SLC22A3: variants seen among roughly 807,000 people sequenced by gnomAD.
SLC22A3 encodes the protein EMT organic cation transporter 3.
A neutral mutation model predicts 59.1 loss-of-function variants in SLC22A3; 51 were observed. That is an observed-to-expected ratio of 0.86 (90% CI 0.69 to 1.09). SLC22A3 has a LOEUF of 1.09. Ranked by LOEUF, SLC22A3 falls within the 50% of genes least tolerant of loss-of-function variation. The probability of loss-of-function intolerance (pLI) is 0.00; values close to 1 mark genes in which losing one functional copy is unlikely to be tolerated. For synonymous variants in SLC22A3, 325 were observed against 292.0 expected, an observed-to-expected ratio of 1.11 and a Z score of -1.15; for missense variants, 711 against 726.3, an observed-to-expected ratio of 0.98 and a Z score of 0.24.
chr6:160,432,629 T>C (rs924770239), intron 5 of SLC22A3, among the ~76,000 whole-genome samples: 5 of 152,280 alleles, frequency 3.3e-5, no homozygotes, highest in Admixed American at 2.0e-4. Context: ...GGTTTCACCA[T>C]GTTGGCCAGG....
chr6:160,361,678 T>G (rs1239575997), intron 1 of SLC22A3, among the ~76,000 whole-genome samples: 1 of 152,182 alleles, frequency 6.6e-6, no homozygotes, highest in Non-Finnish European at 1.5e-5. Context: ...AGATAATTTG[T>G]CCAGAATCTG....
intron 2 of SLC22A3, among the ~76,000 whole-genome samples, chr6:160,404,990 G>C (rs1383406876): frequency 1.3e-5 from 2 of 150,988 alleles, no homozygotes; most frequent in Non-Finnish European, 2.9e-5. Flanking sequence ...AAAAAATCTA[G>C]ATGACCTTTT....
chr6:160,351,743 A>G (rs1457144284), intron 1 of SLC22A3, among the ~76,000 whole-genome samples: 1 of 152,176 alleles, frequency 6.6e-6, no homozygotes, highest in East Asian at 1.9e-4. Flanking sequence ...AGACTCCAGA[A>G]TGCCTCCATA....
chr6:160,352,837 T>G (rs975823226), intron 1 of SLC22A3, among the ~76,000 whole-genome samples: 3 of 152,210 alleles, frequency 2.0e-5, no homozygotes, highest in African/African-American at 7.2e-5. Flanking sequence ...TTTGTTTTGT[T>G]TTTTGACAAA....
At chr6:160,362,799 G>GC (rs1046490781) in intron 1 of SLC22A3, among the ~76,000 whole-genome samples, 5 of 152,192 alleles carry the variant, frequency 3.3e-5, no homozygotes, top group Non-Finnish European at 7.4e-5. Context: ...GCGTTAGGCT[G>GC]CCCCCGGGAG....
intron 7 of SLC22A3, among the ~76,000 whole-genome samples, chr6:160,437,653 G>A (rs991709326): frequency 1.3e-5 from 2 of 152,150 alleles, no homozygotes; most frequent in African/African-American, 4.8e-5. Flanking sequence ...ATATTGTCAC[G>A]ATTCTTATTG....
At chr6:160,435,285 G>A (rs1442524135) in intron 5 of SLC22A3, among the ~76,000 whole-genome samples, 2 of 152,174 alleles carry the variant, frequency 1.3e-5, no homozygotes, top group African/African-American at 4.8e-5. Flanking sequence ...AGACACTATT[G>A]ATTTTAAGAC....
intron 1 of SLC22A3, among the ~76,000 whole-genome samples, chr6:160,382,225 G>T (rs2114797305): frequency 6.6e-6 from 1 of 152,270 alleles, no homozygotes; most frequent in East Asian, 1.9e-4. Flanking sequence ...CTGAGGCCCT[G>T]CTGGCTAAAG....
chr6:160,387,294 T>C (rs1018251705), intron 1 of SLC22A3, among the ~76,000 whole-genome samples: 1 of 152,038 alleles, frequency 6.6e-6, no homozygotes, highest in Admixed American at 6.5e-5. Flanking sequence ...GGGAGGAGCA[T>C]TGGACAGAGG....
intron 1 of SLC22A3, among the ~76,000 whole-genome samples, chr6:160,377,415 G>A (rs1785636092): frequency 6.6e-6 from 1 of 151,950 alleles, no homozygotes; most frequent in Admixed American, 6.6e-5. Context: ...AACCCAGAAG[G>A]TGGAGGTTGC....
At position 160,442,854 on chromosome 6, in the gene SLC22A3, A is replaced by G. The variant is rs1788600824; in HGVS notation, c.1382A>G (p.Tyr461Cys). 1.2e-6 allele frequency: 2 copies of G among 1,611,548 alleles called. No homozygotes were observed. Among genetic ancestry groups the G allele is most frequent in the Non-Finnish European group, 1.7e-6 (2 of 1,177,732 alleles). Residue 461 changes from tyrosine (Y) to cysteine (C), a missense_variant, in exon 8 of 11, where the codon TAC becomes TGC. By Grantham distance (194) the Tyr-to-Cys change is radical. Transcript: ENST00000275300. The stretch of plus-strand genomic sequence containing the variant: ...GTTTATTTGGTAAATTCAGAATTGT[A>G]CCCAACAACATTACGGTAATTCTAA... ...EIVYLVNSEL[Y>C]PTTLRNFGVS...
intron 1 of SLC22A3, among the ~76,000 whole-genome samples, chr6:160,371,654 C>T (rs574302961): frequency 1.7e-4 from 26 of 152,246 alleles, no homozygotes; most frequent in South Asian, 4.2e-4. Flanking sequence ...ACATGTGCAG[C>T]GTGTTTCTAG....
chr6:160,349,510 C>A (rs1370418907), intron 1 of SLC22A3, among the ~76,000 whole-genome samples: 1 of 151,872 alleles, frequency 6.6e-6, no homozygotes, highest in Non-Finnish European at 1.5e-5. Flanking sequence ...ATTTTAGGAA[C>A]ATAGCGGGAG....
Position 160,397,967 on chromosome 6 carries a change from T to A in SLC22A3, c.430-12T>A. ...TGGCATGTCTCCATGTGTGTTTTCT[T>A]TGTTTTCTCAGTTTGACCTTGTCTG... is the stretch of plus-strand genomic sequence containing the variant. On this transcript the variant is annotated splice_polypyrimidine_tract_variant and intron_variant, in intron 1 of 10. Transcript: ENST00000275300. 1 of 1,606,910 alleles carries A rather than the reference T, an allele frequency of 6.2e-7. No homozygotes were observed. The highest frequency in any genetic ancestry group is 8.5e-7 in the Non-Finnish European group (1 of 1,173,748).
At chr6:160,433,304 C>T (rs1583509095) in intron 5 of SLC22A3, among the ~76,000 whole-genome samples, 1 of 152,290 alleles carries the variant, frequency 6.6e-6, no homozygotes, top group East Asian at 1.9e-4. Context: ...ACAGAGCTAA[C>T]ATGAAAGCAA....
chr6:160,392,072 A>C (rs923391722), intron 1 of SLC22A3, among the ~76,000 whole-genome samples: 2 of 152,128 alleles, frequency 1.3e-5, no homozygotes, highest in Non-Finnish European at 2.9e-5. Context: ...CTGGGCAATC[A>C]TTGCAGATCC....
rs1788966895 is a variant in SLC22A3, at chr6:160,451,583, G to A, written c.*527G>A. The A allele has an allele frequency of 6.1e-6, 1 of 163,842 alleles. No individual in the cohort carries two copies. The highest frequency in any genetic ancestry group is 1.3e-5 in the Non-Finnish European group (1 of 74,528). 10.1% of individuals were successfully genotyped at this position (163,842 alleles called of 1,614,324 possible). A position where few individuals can be genotyped will look rare whatever the true frequency, so the allele number is the denominator to read the frequency against. ...GAATCACAGGCACCTGGGCCAAAGG[G>A]TGTGAGCATTCATGTTCTCTGCTCA... is the stretch of plus-strand genomic sequence containing the variant. On this transcript the variant is annotated 3_prime_UTR_variant, in exon 11 of 11. Transcript: ENST00000275300.
Position 160,407,023 on chromosome 6 carries a change from C to T in SLC22A3, c.534-18C>T, listed in dbSNP as rs756712736. On this transcript the variant is annotated intron_variant, in intron 2 of 10. Transcript: ENST00000275300. The stretch of plus-strand genomic sequence containing the variant: ...GAAAATGTTTAAGGTGAGCTCTTTT[C>T]CTGTCTTTCTCAAAAAGGTATGGCA... 1.9e-6 allele frequency: 3 copies of T among 1,612,394 alleles called. No individual in the cohort carries two copies. Among genetic ancestry groups the T allele is most frequent in the Non-Finnish European group, 2.5e-6 (3 of 1,179,214 alleles).
intron 1 of SLC22A3, among the ~76,000 whole-genome samples, chr6:160,386,744 G>T (rs1486890275): frequency 2.0e-5 from 3 of 152,246 alleles, no homozygotes; most frequent in Non-Finnish European, 4.4e-5. Context: ...GAAGGGCAGA[G>T]GTCGGCAGGC....
Sources: allele counts gnomAD v4.1 joint callset (sites outside exome capture counted in the v4.1 genomes callset), GRCh38; gene constraint gnomAD v4.1.1; transcripts MANE v1.5; gene names NCBI Gene and HGNC (gene_info 2026-07-23, HGNC 2026-07-21).